EPB41: variants seen among roughly 807,000 people sequenced by gnomAD.
The protein encoded by EPB41 is erythrocyte membrane protein band 4.1, also known as protein 4.1.
A neutral mutation model predicts 108.0 loss-of-function variants in EPB41; 65 were observed. The observed-to-expected ratio is 0.60, with a 90% CI of 0.49 to 0.74. The LOEUF is 0.74. Among genes scored for constraint, EPB41 ranks in the 30% least tolerant of loss-of-function variants. EPB41 has a pLI of 0.00. For synonymous variants in EPB41, 336 were observed against 358.9 expected (o/e 0.94, Z 0.72); for missense variants, 875 against 1,037.0 (o/e 0.84, Z 2.15).
Position 29,111,024 on chromosome 1 carries a change from G to A in EPB41, c.2416-1344G>A, listed in dbSNP as rs60517245. Among the ~76,000 whole-genome samples, 218 of 152,126 alleles carry A rather than the reference G, an allele frequency of 1.4e-3. 2 individuals carry two copies. In the East Asian group the frequency reaches 0.02, roughly 14 times the overall value. On this transcript the variant is annotated intron_variant, in intron 18 of 20. Coordinates refer to ENST00000343067, the MANE Select transcript of EPB41 (RefSeq NM_001376013.1). ...TCTACTAAAAAAATAAAAATTAGCC[G>A]AGCATGGTGGCACACGCCTATAGTC...
chr1:29,085,141 CTTTT>C (rs527593950), intron 16 of EPB41, among the ~76,000 whole-genome samples: 2 of 117,318 alleles, frequency 1.7e-5, no homozygotes, highest in African/African-American at 3.2e-5. Context: ...CTTTGATCTT[CTTTT>C]TTTTTTTTTT....
chr1:29,101,053 C>T (rs191891000), intron 17 of EPB41, among the ~76,000 whole-genome samples: 5 of 152,086 alleles, frequency 3.3e-5, no homozygotes, highest in Non-Finnish European at 7.4e-5. Flanking sequence ...GGTGAAACCC[C>T]ATCTCTACTA....
chr1:29,088,063 T>TGGAG (rs1265963598), intron 16 of EPB41, among the ~76,000 whole-genome samples: 4 of 150,512 alleles, frequency 2.7e-5, no homozygotes, highest in African/African-American at 9.7e-5. Context: ...CTTTTTTTTT[T>TGGAG]GAGATGGAGC....
intron 16 of EPB41, among the ~76,000 whole-genome samples, chr1:29,092,102 T>C (rs2151422013): frequency 1.3e-5 from 2 of 148,774 alleles, no homozygotes; most frequent in African/African-American, 4.9e-5. Flanking sequence ...TCTTTTTTTT[T>C]TTTTTTTTTT....
chr1:28,920,207 A>G (rs1369046928), intron 1 of EPB41, among the ~76,000 whole-genome samples: 1 of 152,190 alleles, frequency 6.6e-6, no homozygotes, highest in Non-Finnish European at 1.5e-5. Context: ...ATTATTTTCT[A>G]TTACCTAATT....
At position 29,033,158 on chromosome 1, in the gene EPB41, G is replaced by C. The variant is rs1337732103; in HGVS notation, c.1278G>C (p.Lys426Asn). The C allele has an allele frequency of 6.2e-7, 1 of 1,613,908 alleles. No individual in the cohort carries two copies. Residue 426 changes from lysine (K) to asparagine (N), a missense_variant, in exon 9 of 21, where the codon AAG becomes AAC. By Grantham distance (94) the Lys-to-Asn change is moderately conservative (BLOSUM62 0). Coordinates refer to ENST00000343067, the MANE Select transcript of EPB41 (RefSeq NM_001376013.1). ...CSSGLLVYKD[K>N]LRINRFPWPK... ...GTGGCCTTCTGGTTTACAAAGATAA[G>C]CTGAGAATTAACCGCTTCCCTTGGC...
chr1:28,957,218 A>C (rs577241702), intron 1 of EPB41, among the ~76,000 whole-genome samples: 1 of 152,244 alleles, frequency 6.6e-6, no homozygotes, highest in Admixed American at 6.5e-5. Flanking sequence ...TTTCATGAGG[A>C]ATACTCTGCA....
At position 29,057,392 on chromosome 1, in the gene EPB41, A is replaced by AG. The variant is rs1474033212; in HGVS notation, c.1846-1197_1846-1196insG. On this transcript the variant is annotated intron_variant, in intron 12 of 20. Coordinates refer to ENST00000343067, the MANE Select transcript of EPB41 (RefSeq NM_001376013.1). ...CTGTCTCAAAAAAAAAAAAAAAAAA[A>AG]AAAAGAAAAAGAAATAACCCCAAAC... Among the ~76,000 whole-genome samples the AG allele has an allele frequency of 2.6e-3, 390 of 150,032 alleles. 6 individuals carry two copies. The highest frequency in any genetic ancestry group is 9.0e-3 in the African/African-American group (364 of 40,554).
chr1:29,010,855 A>G (rs2096487566), intron 4 of EPB41, among the ~76,000 whole-genome samples: 1 of 152,162 alleles, frequency 6.6e-6, no homozygotes, highest in African/African-American at 2.4e-5. Context: ...GCTCATGCCT[A>G]TAATCCCAGC....
chr1:29,039,208 A>G (rs1300767692), intron 10 of EPB41, 46 bp from the exon 11 acceptor site: 1 of 1,563,518 alleles, frequency 6.4e-7, no homozygotes, highest in South Asian at 1.2e-5. Context: ...TTTTAGAATA[A>G]TAAGATGAAT....
chr1:28,999,554 TACCTACGTGTTTA>T (rs995201624), intron 4 of EPB41, among the ~76,000 whole-genome samples: 9 of 152,290 alleles, frequency 5.9e-5, no homozygotes, highest in African/African-American at 2.2e-4. Context: ...AGTCACCAAG[TACCTACGTGTTTA>T]ATATGGCTGG....
At chr1:29,063,021 T>C (rs552452405) in intron 15 of EPB41, among the ~76,000 whole-genome samples, 24 of 152,222 alleles carry the variant, frequency 1.6e-4, no homozygotes, top group Non-Finnish European at 2.8e-4. Context: ...AAGAGAGTTA[T>C]CATTTTACAT....
chr1:28,956,568 T>C (rs1481883399), intron 1 of EPB41, among the ~76,000 whole-genome samples: 1 of 152,244 alleles, frequency 6.6e-6, no homozygotes, highest in Non-Finnish European at 1.5e-5. Flanking sequence ...GACAAATTAA[T>C]CTTTGTTGGG....
intron 1 of EPB41, among the ~76,000 whole-genome samples, chr1:28,935,622 C>G (rs2093990209): frequency 2.0e-5 from 3 of 151,982 alleles, no homozygotes; most frequent in Middle Eastern, 3.4e-3. Context: ...TAATCTCTCT[C>G]CTTAAGAGTT....
intron 16 of EPB41, among the ~76,000 whole-genome samples, chr1:29,085,941 T>C (rs1454211614): frequency 6.6e-6 from 1 of 152,214 alleles, no homozygotes; most frequent in Non-Finnish European, 1.5e-5. Context: ...TACATACCAG[T>C]TACTAGCTTA....
rs1450238885 is a variant in EPB41 at position 28,982,663 on chromosome 1, TG to T, written c.-7-4767del. On this transcript the variant is annotated intron_variant, in intron 1 of 20. Coordinates refer to ENST00000343067, the MANE Select transcript of EPB41 (RefSeq NM_001376013.1). The stretch of plus-strand genomic sequence containing the variant: ...CAAAAAGCCCATCATGGTTTTTGAT[TG>T]ATCTTAAGACTTAGGTTGTTTGTCG... 3 of 800,270 alleles carry T rather than the reference TG, an allele frequency of 3.7e-6. No homozygotes were observed. In the African/African-American group the frequency reaches 5.1e-5, roughly 14 times the overall value. 49.6% of individuals were successfully genotyped at this position (800,270 alleles called of 1,614,324 possible).
chr1:28,950,100 ATG>A (rs950384894), intron 1 of EPB41, among the ~76,000 whole-genome samples: 1 of 152,058 alleles, frequency 6.6e-6, no homozygotes, highest in African/African-American at 2.4e-5. Context: ...CTCCTTGTAC[ATG>A]TGTGTGTTAG....
At position 28,968,399 on chromosome 1, in the gene EPB41, A is replaced by T. The variant is rs150430513; in HGVS notation, c.-7-19032A>T. ...CAAACAAAACTCTGTTTTTGTACAT[A>T]TGTCCTTATAATATCCCCACTCTTC... is the stretch of plus-strand genomic sequence containing the variant. On this transcript the variant is annotated intron_variant, in intron 1 of 20. Coordinates refer to ENST00000343067, the MANE Select transcript of EPB41 (RefSeq NM_001376013.1). Among the ~76,000 whole-genome samples the T allele has an allele frequency of 1.1e-3, 162 of 152,150 alleles. No individual in the cohort carries two copies. The Middle Eastern group carries it at 0.02, about 19-fold the overall frequency.
chr1:28,976,717 A>AT (rs11383196), intron 1 of EPB41, among the ~76,000 whole-genome samples: 118,843 of 151,974 alleles, frequency 0.78, 47,082 homozygotes, highest in East Asian at 0.92. Context: ...TTGTAGCCCT[A>AT]TTCAGCTAGT....
Sources: gnomAD v4.1 joint callset for allele counts (sites outside exome capture counted in the v4.1 genomes callset) on GRCh38, gnomAD v4.1.1 for gene constraint, MANE v1.5 for transcripts, NCBI Gene and HGNC (gene_info 2026-07-23, HGNC 2026-07-21) for gene names.